The following ELFN2 variants were observed in gnomAD, a reference collection of about 807,000 sequenced individuals.
The protein encoded by ELFN2 is extracellular leucine rich repeat and fibronectin type III domain containing 2.
In ELFN2, 17 loss-of-function variants were observed where a neutral mutation model predicts 45.5. The ratio of observed to expected loss-of-function variants is 0.37; its 90% confidence interval spans 0.26 to 0.56. The LOEUF (loss-of-function observed/expected upper bound fraction) is 0.56, where lower values mean the gene tolerates loss of function less well. Among genes scored for constraint, ELFN2 ranks in the 20% least tolerant of loss-of-function variants. The pLI, the probability that ELFN2 is intolerant of heterozygous loss-of-function variation, is 0.77. For synonymous variants in ELFN2, 550 were observed against 551.5 expected, an observed-to-expected ratio of 1.00 and a Z score of 0.04; for missense variants, 922 against 1,183.2, an observed-to-expected ratio of 0.78 and a Z score of 3.24.
intron 2 of ELFN2, among the ~76,000 whole-genome samples, chr22:37,381,293 T>C (rs1373932210): frequency 7.0e-6 from 1 of 143,416 alleles, no homozygotes; most frequent in African/African-American, 2.6e-5. Flanking sequence ...GGACATGCAC[T>C]GAGCCAGTCT....
intron 2 of ELFN2, among the ~76,000 whole-genome samples, chr22:37,408,621 C>A (rs1289731067): frequency 1.3e-5 from 2 of 152,232 alleles, no homozygotes; most frequent in Non-Finnish European, 1.5e-5. Flanking sequence ...AAGGCTCAAA[C>A]CAGGGCACCC....
At position 37,355,001 on chromosome 22, in the gene ELFN2, C is replaced by T. The variant is rs567589953; in HGVS notation, n.149-12298G>A. ...TTTATTTCCTTAACCTGGCAACCTA[C>T]CTAGGGAGCAAAATTACCCCTGGTT... On this transcript the variant is annotated intron_variant and non_coding_transcript_variant, in intron 1 of 2. Transcript: ENST00000452946. Among the ~76,000 whole-genome samples, 3 of 152,280 alleles carry T rather than the reference C, an allele frequency of 2.0e-5. No homozygotes were observed. The South Asian group carries it at 6.2e-4, about 32-fold the overall frequency.
intron 2 of ELFN2, among the ~76,000 whole-genome samples, chr22:37,381,955 C>CAAAAAAAAA (rs1159476533): frequency 5.1e-5 from 3 of 59,234 alleles, no homozygotes; most frequent in East Asian, 7.6e-4. Context: ...GACTCCGTCT[C>CAAAAAAAAA]AAAAAAAAAA....
chr22:37,408,179 A>T (rs1480881374), intron 2 of ELFN2, among the ~76,000 whole-genome samples: 1 of 152,138 alleles, frequency 6.6e-6, no homozygotes, highest in East Asian at 1.9e-4. Context: ...GATGACCACC[A>T]TGTCCCCAGT....
chr22:37,343,513 C>T (rs543701663), intron 1 of ELFN2, among the ~76,000 whole-genome samples: 2 of 152,232 alleles, frequency 1.3e-5, no homozygotes, highest in South Asian at 4.1e-4. Flanking sequence ...CTGGGCTCCA[C>T]TGTCGGTTTC....
At chr22:37,390,633 G>T (rs1041492005) in intron 2 of ELFN2, among the ~76,000 whole-genome samples, 10 of 152,310 alleles carry the variant, frequency 6.6e-5, no homozygotes, top group East Asian at 1.9e-4. Context: ...GCAGGCCTGG[G>T]TGTTAATATA....
chr22:37,426,368 ACACAC>A lies in ELFN2; in HGVS notation c.-614+925_-614+929del, dbSNP rs1260787020. ...CACGCGCGCGCGCGCACACACACAC[ACACAC>A]ATCAGCTCCCTTCCCTCCAAACATT... On this transcript the variant is annotated intron_variant, in intron 1 of 2. Coordinates refer to ENST00000402918, the MANE Select transcript of ELFN2 (RefSeq NM_052906.5). 6.7e-3 allele frequency among the ~76,000 whole-genome samples: 1,025 copies of A among 152,064 alleles called. 18 individuals are homozygous for A. Among genetic ancestry groups the A allele is most frequent in the South Asian group, 0.013 (63 of 4,828 alleles).
intron 2 of ELFN2, among the ~76,000 whole-genome samples, chr22:37,407,548 T>A (rs1336316609): frequency 2.6e-5 from 4 of 152,132 alleles, no homozygotes; most frequent in Admixed American, 6.5e-5. Context: ...CCATAGGATG[T>A]GGACAAGCGA....
Position 37,374,159 on chromosome 22 carries a change from A to G in ELFN2, c.1376T>C (p.Leu459Pro), listed in dbSNP as rs1601745648. ...TACGGGCAGCACGGGAGGCTCGCCC[A>G]GCTTCTGGGCGGCGTGCACAATGGA... ...AGSIVHAAQKLGEPPVLPVSR... is the reference protein window; with the variant it reads ...AGSIVHAAQKPGEPPVLPVSR... The change falls in exon 3 of 3, where the codon CTG (leucine) becomes CCG (proline). Residue 459 changes from leucine to proline, a missense_variant. Physicochemically the swap from Leu to Pro is moderately conservative, Grantham distance 98 (BLOSUM62 -3). Coordinates refer to ENST00000402918, the MANE Select transcript of ELFN2 (RefSeq NM_052906.5). The G allele has an allele frequency of 6.2e-7, 1 of 1,612,828 alleles. No homozygotes were observed. The highest frequency in any genetic ancestry group is 8.5e-7 in the Non-Finnish European group (1 of 1,179,982).
intron 1 of ELFN2, among the ~76,000 whole-genome samples, chr22:37,426,629 ACGCGCTCGCACACACACACAAACAC>A (rs1932852834): frequency 8.2e-6 from 1 of 121,608 alleles, no homozygotes; most frequent in East Asian, 2.4e-4. Context: ...ACACACTGGC[ACGCGCTCGCACACACACACAAACAC>A]ACACACACAC....
chr22:37,385,710 G>C (rs1184339543), intron 2 of ELFN2, among the ~76,000 whole-genome samples: 1 of 152,150 alleles, frequency 6.6e-6, no homozygotes, highest in Non-Finnish European at 1.5e-5. Flanking sequence ...CTCAGCCTGG[G>C]ACCCAAGGGT....
At chr22:37,364,633 T>TGG (rs1931161741), downstream of ELFN2, among the ~76,000 whole-genome samples, 1 of 152,116 alleles carries the variant, frequency 6.6e-6, no homozygotes, top group African/African-American at 2.4e-5. Context: ...AGGCCAGGGA[T>TGG]GAGTGCCACG....
intron 2 of ELFN2, among the ~76,000 whole-genome samples, chr22:37,388,251 G>A (rs1032514200): frequency 4.6e-5 from 7 of 152,108 alleles, no homozygotes; most frequent in South Asian, 2.1e-4. Context: ...TGTGGGAGCC[G>A]CTGCCTGTTC....
chr22:37,408,769 C>G (rs746646744), intron 2 of ELFN2, among the ~76,000 whole-genome samples: 2 of 152,222 alleles, frequency 1.3e-5, no homozygotes, highest in East Asian at 3.9e-4. Flanking sequence ...TGGGTAGGAT[C>G]TTTAACCTCT....
Position 37,374,900 on chromosome 22 carries a change from C to T in ELFN2, c.635G>A (p.Arg212His), listed in dbSNP as rs1931527740. ...CTCCCGCGGCGACTCACACTGCAGG[C>T]GGTCGTAGTTCTTGGTGACGTTGTT... ...VFNNVTKNYD[R>H]LQCESPREFA... The change falls in exon 3 of 3, where the codon CGC (arginine) becomes CAC (histidine). Residue 212 changes from arginine to histidine, a missense_variant. This residue lies in a region of ELFN2 where 358 missense variants were observed against 540.4 expected (regional missense o/e 0.66). Coordinates refer to ENST00000402918, the MANE Select transcript of ELFN2 (RefSeq NM_052906.5). The T allele has an allele frequency of 2.5e-6, 4 of 1,611,882 alleles. No individual in the cohort carries two copies. The highest frequency in any genetic ancestry group is 2.5e-6 in the Non-Finnish European group (3 of 1,179,882).
chr22:37,415,991 G>A (rs181874964), intron 2 of ELFN2, among the ~76,000 whole-genome samples: 10 of 152,180 alleles, frequency 6.6e-5, no homozygotes, highest in African/African-American at 9.7e-5. Context: ...TGATGATGGT[G>A]GTGGTGGTTC....
Position 37,375,504 on chromosome 22 carries a change from GC to G in ELFN2, c.30del (p.Leu11CysfsTer108). On this transcript the variant is annotated frameshift_variant, in exon 3 of 3. Coordinates refer to ENST00000402918, the MANE Select transcript of ELFN2 (RefSeq NM_052906.5). LOFTEE classifies it high-confidence loss of function. ...GCACCCGGCCGGCACACGCACAGCA[GC>G]GCCGCCGCGCACAGCCCCAGGCGCA... MLRLGLCAAALLCVCRPGAV... is the reference protein window; with the variant it reads MLRLGLCAAXLLCVCRPGAV... The G allele has an allele frequency of 6.4e-7, 1 of 1,570,700 alleles. No homozygotes were observed. The highest frequency in any genetic ancestry group is 8.6e-7 in the Non-Finnish European group (1 of 1,158,284).
intron 1 of ELFN2, among the ~76,000 whole-genome samples, chr22:37,352,715 G>C (rs1187969285): frequency 6.6e-6 from 1 of 150,848 alleles, no homozygotes; most frequent in Non-Finnish European, 1.5e-5. Context: ...GGCCAGTGTG[G>C]CTGGGGCAGG....
intron 2 of ELFN2, among the ~76,000 whole-genome samples, chr22:37,411,646 C>T (rs1164469653): frequency 2.0e-5 from 3 of 152,284 alleles, no homozygotes; most frequent in East Asian, 3.9e-4. Context: ...GGCACCCTAC[C>T]TCCTATGCTG....
Sources: gnomAD v4.1 joint callset for allele counts (sites outside exome capture counted in the v4.1 genomes callset) on GRCh38, gnomAD v4.1.1 for gene constraint, gnomAD v4.1.1 regional missense constraint, MANE v1.5 for transcripts, NCBI Gene and HGNC (gene_info 2026-07-23, HGNC 2026-07-21) for gene names.